PIAS4: variants seen among roughly 807,000 people sequenced by gnomAD.
PIAS4 encodes protein inhibitor of activated STAT 4, also known as E3 SUMO-protein ligase PIAS4.
Under a neutral mutation model 58.0 loss-of-function variants are expected in PIAS4, and 7 were observed. That is an observed-to-expected ratio of 0.12 (90% CI 0.07 to 0.23). The LOEUF is 0.23. Among genes scored for constraint, PIAS4 ranks in the 10% least tolerant of loss-of-function variants. The pLI, the probability that PIAS4 is intolerant of heterozygous loss-of-function variation, is 1.00. For synonymous variants in PIAS4, 364 were observed against 312.4 expected (o/e 1.17, Z -1.74); for missense variants, 550 against 709.5 (o/e 0.78, Z 2.55).
Position 4,023,936 on chromosome 19 carries a change from C to T in PIAS4, c.455-100C>T, listed in dbSNP as rs2040136456. On this transcript the variant is annotated intron_variant, in intron 2 of 10. Transcript: ENST00000262971. The stretch of plus-strand genomic sequence containing the variant: ...TATCTGTCCAGCCAACTTCCCATTT[C>T]CTGTTTCCTGGTCTGAAGAGGCGCA... 4.9e-6 allele frequency: 4 copies of T among 820,170 alleles called. No homozygotes were observed. The South Asian group carries it at 5.5e-5, about 11-fold the overall frequency. 50.8% of individuals were successfully genotyped at this position (820,170 alleles called of 1,614,324 possible). A position where few individuals can be genotyped will look rare whatever the true frequency, so the allele number is the denominator to read the frequency against.
rs75762134 is a variant in PIAS4, at chr19:4,025,515, C to T, written c.539+1395C>T. Among the ~76,000 whole-genome samples, 635 of 152,274 alleles carry T rather than the reference C, an allele frequency of 4.2e-3. 4 individuals are homozygous for T. The highest frequency in any genetic ancestry group is 6.9e-3 in the Non-Finnish European group (466 of 67,992). ...CGCCCCCATTTAATGCCTAGCTTCT[C>T]GTGCCCAGCCGCTTCAGACCCACCG... On this transcript the variant is annotated intron_variant, in intron 3 of 10. Coordinates refer to ENST00000262971, the MANE Select transcript of PIAS4 (RefSeq NM_015897.4).
intron 2 of PIAS4, chr19:4,018,314 T>G (rs992218670): frequency 6.6e-6 from 1 of 152,250 alleles, no homozygotes; most frequent in African/African-American, 2.4e-5. Flanking sequence ...GGCTGTGTCC[T>G]GGCTGCTATT....
chr19:4,022,447 A>G (rs556100462), intron 2 of PIAS4, among the ~76,000 whole-genome samples: 2 of 151,922 alleles, frequency 1.3e-5, no homozygotes, highest in African/African-American at 4.8e-5. Context: ...CCTCCCTGCA[A>G]GCTCCGCCTC....
At position 4,020,267 on chromosome 19, in the gene PIAS4, G is replaced by A. The variant is rs927483726; in HGVS notation, c.455-3769G>A. Among the ~76,000 whole-genome samples, 41 of 152,304 alleles carry A rather than the reference G, an allele frequency of 2.7e-4. 1 individual carries two copies. The South Asian group carries it at 5.0e-3, about 18-fold the overall frequency. ...CCAAGACAGTGCTGGTAGTTGAGGTGCGATCCCATGGCTCCGGTTCTTGTA... is the reference window on the plus strand; with the variant it reads ...CCAAGACAGTGCTGGTAGTTGAGGTACGATCCCATGGCTCCGGTTCTTGTA... On this transcript the variant is annotated intron_variant, in intron 2 of 10. Coordinates refer to ENST00000262971, the MANE Select transcript of PIAS4 (RefSeq NM_015897.4).
chr19:4,030,673 C>T (rs1568219265), intron 7 of PIAS4, among the ~76,000 whole-genome samples: 1 of 152,026 alleles, frequency 6.6e-6, no homozygotes, highest in Non-Finnish European at 1.5e-5. Context: ...TCACCCCAAG[C>T]AGCCACGCAG....
At chr19:4,036,885 C>T (rs772883145) in intron 9 of PIAS4, among the ~76,000 whole-genome samples, 14 of 151,918 alleles carry the variant, frequency 9.2e-5, no homozygotes, top group East Asian at 3.9e-4. Context: ...TCCACATTCA[C>T]GTATGCCCAT....
In PIAS4 at chr19:4,033,093, C is replaced by G. The variant is rs774338193; in HGVS notation, c.908-7C>G. On this transcript the variant is annotated splice_region_variant and splice_polypyrimidine_tract_variant and intron_variant, in intron 7 of 10. Coordinates refer to ENST00000262971, the MANE Select transcript of PIAS4 (RefSeq NM_015897.4). Reference sequence around the variant, plus strand: ...TCCTGACGGTGTCTTCCGTTCCCTCCCCACAGTCAAGGAGAAGCTGCGCCT... The same window carrying G: ...TCCTGACGGTGTCTTCCGTTCCCTCGCCACAGTCAAGGAGAAGCTGCGCCT... The G allele has an allele frequency of 6.2e-7, 1 of 1,610,706 alleles. No homozygotes were observed. Among genetic ancestry groups the G allele is most frequent in the Non-Finnish European group, 8.5e-7 (1 of 1,178,888 alleles).
chr19:4,015,784 G>T (rs375013372), intron 2 of PIAS4, among the ~76,000 whole-genome samples: 1 of 152,214 alleles, frequency 6.6e-6, no homozygotes, highest in Non-Finnish European at 1.5e-5. Flanking sequence ...ACCGTCCAGC[G>T]TGAGGCCCAC....
In PIAS4 at chr19:4,033,113, G is replaced by T; in HGVS notation, c.921G>T (p.Leu307=). The T allele has an allele frequency of 6.2e-7, 1 of 1,611,846 alleles. No individual in the cohort carries two copies. The highest frequency in any genetic ancestry group is 8.5e-7 in the Non-Finnish European group (1 of 1,179,744). ...CCCTCCCCACAGTCAAGGAGAAGCT[G>T]CGCCTTGATCCTGACAGCGAGATCG... is the stretch of plus-strand genomic sequence containing the variant. ...ELCKALVKEK[L]RLDPDSEIAT... Residue 307 remains leucine, a synonymous_variant, in exon 8 of 11, where the codon CTG becomes CTT. Coordinates refer to ENST00000262971, the MANE Select transcript of PIAS4 (RefSeq NM_015897.4).
chr19:4,021,187 C>T (rs1599221748), intron 2 of PIAS4, among the ~76,000 whole-genome samples: 1 of 152,122 alleles, frequency 6.6e-6, no homozygotes, highest in Non-Finnish European at 1.5e-5. Flanking sequence ...GAGCCTCACT[C>T]TGTCACCCAG....
intron 2 of PIAS4, among the ~76,000 whole-genome samples, chr19:4,021,242 T>C (rs2040106014): frequency 1.3e-5 from 2 of 152,128 alleles, no homozygotes; most frequent in South Asian, 2.1e-4. Flanking sequence ...AACCTCCGCC[T>C]TCTGGGTTTA....
At position 4,036,654 on chromosome 19, in the gene PIAS4, A is replaced by C. The variant is rs2040294802; in HGVS notation, c.1143-720A>C. Reference sequence around the variant, plus strand: ...ATCTATACAGTCCACACTGTCATACACACACATCTATACAGTCCACACCGT... The same window carrying C: ...ATCTATACAGTCCACACTGTCATACCCACACATCTATACAGTCCACACCGT... On this transcript the variant is annotated intron_variant, in intron 9 of 10. Transcript: ENST00000262971. Among the ~76,000 whole-genome samples the C allele has an allele frequency of 2.0e-5, 3 of 149,016 alleles. 1 individual carries two copies. The highest frequency in any genetic ancestry group is 7.7e-5 in the African/African-American group (3 of 38,914).
At position 4,037,767 on chromosome 19, in the gene PIAS4, C is replaced by T. The variant is rs1599237079; in HGVS notation, c.1425C>T (p.Ser475=). 3 of 1,607,032 alleles carry T rather than the reference C, an allele frequency of 1.9e-6. No individual in the cohort carries two copies. The highest frequency in any genetic ancestry group is 1.7e-6 in the Non-Finnish European group (2 of 1,177,332). The stretch of plus-strand genomic sequence containing the variant: ...ACCTCACGCTGGACAGCTCATCGTC[C>T]TCGGAGGATGAGGAGGAGGAGGAAG... The part of the protein sequence containing the change: ...VVDLTLDSSS[S]SEDEEEEEEE... The change falls in exon 11 of 11, where the codon TCC becomes TCT. Residue 475 remains serine, a synonymous_variant. Coordinates refer to ENST00000262971, the MANE Select transcript of PIAS4 (RefSeq NM_015897.4). This position sits in a 1 kb window ranked among gnomAD's most constrained non-coding sequence, Gnocchi z 5.8.
intron 2 of PIAS4, among the ~76,000 whole-genome samples, chr19:4,021,529 G>A (rs899458611): frequency 2.0e-5 from 3 of 152,092 alleles, no homozygotes; most frequent in Admixed American, 6.6e-5. Context: ...TTTTGTGGAG[G>A]ATTTTACATC....
intron 5 of PIAS4, 53 bp downstream of exon 5, chr19:4,028,653 G>A (rs1599227795): frequency 1.9e-6 from 3 of 1,606,166 alleles, no homozygotes; most frequent in East Asian, 2.2e-5. Flanking sequence ...GGCGTGGAGG[G>A]AGGGTGGGGG....
chr19:4,032,353 G>T (rs1055174450), intron 7 of PIAS4, among the ~76,000 whole-genome samples: 4 of 152,066 alleles, frequency 2.6e-5, no homozygotes, highest in Non-Finnish European at 5.9e-5. Context: ...AGGGTGGCCT[G>T]CCCCCCATGG....
chr19:4,013,542 T>G lies in PIAS4; in HGVS notation c.454+193T>G, dbSNP rs1240868610. On this transcript the variant is annotated intron_variant, in intron 2 of 10. Transcript: ENST00000262971. This position sits in a 1 kb window ranked among gnomAD's most constrained non-coding sequence, Gnocchi z 5.1. Reference sequence around the variant, plus strand: ...TTGATATTGGTCACCCCTTGCTGTGTTACAAGTTACCCCGAAATGGAGCCA... The same window carrying G: ...TTGATATTGGTCACCCCTTGCTGTGGTACAAGTTACCCCGAAATGGAGCCA... 6.6e-6 allele frequency among the ~76,000 whole-genome samples: 1 copy of G among 152,144 alleles called. No homozygotes were observed. Among genetic ancestry groups the G allele is most frequent in the Non-Finnish European group, 1.5e-5 (1 of 68,018 alleles).
intron 7 of PIAS4, among the ~76,000 whole-genome samples, chr19:4,031,713 C>T (rs2040224298): frequency 6.6e-6 from 1 of 152,146 alleles, no homozygotes; most frequent in African/African-American, 2.4e-5. Context: ...TCTCCTGCTG[C>T]TTCCCACAGC....
At chr19:4,029,485 G>A (rs1321093774) in intron 7 of PIAS4, among the ~76,000 whole-genome samples, 1 of 152,180 alleles carries the variant, frequency 6.6e-6, no homozygotes, top group African/African-American at 2.4e-5. Context: ...GTTGCTGTGG[G>A]AGGAAGACGG....
Sources: gnomAD v4.1 joint callset for allele counts (sites outside exome capture counted in the v4.1 genomes callset) on GRCh38, gnomAD v4.1.1 for gene constraint, Gnocchi (gnomAD v3.1) non-coding constraint, MANE v1.5 for transcripts, NCBI Gene and HGNC (gene_info 2026-07-23, HGNC 2026-07-21) for gene names.